Variants in DLG2 observed in about 807,000 individuals in gnomAD.
The protein encoded by DLG2 is disks large homolog 2.
Under a neutral mutation model 132.5 loss-of-function variants are expected in DLG2, and 45 were observed. The ratio of observed to expected loss-of-function variants is 0.34; its 90% CI spans 0.27 to 0.44. The LOEUF (loss-of-function observed/expected upper bound fraction) is 0.44. Ranked by LOEUF, DLG2 falls within the 20% of genes least tolerant of loss-of-function variation. The pLI, the probability that DLG2 is intolerant of heterozygous loss-of-function variation, is 1.00. For missense variants in DLG2, 1,045 were observed against 1,196.9 expected, an observed-to-expected ratio of 0.87 and a Z score of 1.87; for synonymous variants, 424 against 419.6, an observed-to-expected ratio of 1.01 and a Z score of -0.13.
At chr11:85,156,708 C>T (rs1156595754) in intron 4 of DLG2, among the ~76,000 whole-genome samples, 1 of 152,156 alleles carries the variant, frequency 6.6e-6, no homozygotes, top group East Asian at 1.9e-4. Context: ...CTAATTGGAT[C>T]CATCATCATA....
At chr11:85,455,691 A>G (rs931883785) in intron 3 of DLG2, among the ~76,000 whole-genome samples, 1 of 152,138 alleles carries the variant, frequency 6.6e-6, no homozygotes, top group Non-Finnish European at 1.5e-5. Flanking sequence ...ATTTTGAAGT[A>G]TGCTCCTTCA....
chr11:84,534,560 T>C lies in DLG2; in HGVS notation c.519+10A>G. ...ACCAACTATAAAGTCGGAAGAGCAA[T>C]ATAACTGACCTTCAGAGGAGAAATA... On this transcript the variant is annotated intron_variant, in intron 7 of 27. Coordinates refer to ENST00000376104, the MANE Select transcript of DLG2 (RefSeq NM_001142699.3). The C allele has an allele frequency of 6.2e-7, 1 of 1,613,206 alleles. No individual in the cohort carries two copies. Among genetic ancestry groups the C allele is most frequent in the Non-Finnish European group, 8.5e-7 (1 of 1,179,276 alleles).
At chr11:83,482,806 A>G (rs969599447) in intron 22 of DLG2, among the ~76,000 whole-genome samples, 1 of 152,180 alleles carries the variant, frequency 6.6e-6, no homozygotes, top group Non-Finnish European at 1.5e-5. Context: ...GTGCAACCCA[A>G]TTATGAGATT....
At chr11:84,756,725 T>C (rs950112581) in intron 6 of DLG2, among the ~76,000 whole-genome samples, 1 of 152,238 alleles carries the variant, frequency 6.6e-6, no homozygotes, top group African/African-American at 2.4e-5. Flanking sequence ...ATAAACTTTC[T>C]TAAAATATAA....
At chr11:84,714,644 TCTTTCTC>T (rs2060977116) in intron 6 of DLG2, among the ~76,000 whole-genome samples, 81 of 136,632 alleles carry the variant, frequency 5.9e-4, no homozygotes, top group African/African-American at 1.5e-3. Flanking sequence ...TCTCTCTCTC[TCTTTCTC>T]TCTCTCTCTC....
intron 6 of DLG2, among the ~76,000 whole-genome samples, chr11:84,562,592 T>G (rs751218636): frequency 6.6e-6 from 1 of 152,182 alleles, no homozygotes; most frequent in Non-Finnish European, 1.5e-5. Context: ...TAAAACTAAA[T>G]TTTTAACAGC....
intron 10 of DLG2, among the ~76,000 whole-genome samples, chr11:84,083,828 TTA>T (rs1169671006): frequency 1.3e-5 from 2 of 152,152 alleles, no homozygotes; most frequent in Non-Finnish European, 2.9e-5. Flanking sequence ...GAATATCTAT[TTA>T]TTTTATTTAT....
intron 6 of DLG2, among the ~76,000 whole-genome samples, chr11:84,995,467 A>C (rs374144363): frequency 8.5e-5 from 13 of 152,192 alleles, no homozygotes; most frequent in Admixed American, 2.0e-4. Flanking sequence ...TCAGTTATGT[A>C]CATATTTGTC....
intron 7 of DLG2, among the ~76,000 whole-genome samples, chr11:84,361,122 G>A (rs2098647539): frequency 1.3e-5 from 2 of 151,846 alleles, no homozygotes; most frequent in African/African-American, 4.8e-5. Flanking sequence ...CCAGTGATAT[G>A]CTGAATGATA....
At chr11:83,932,237 A>ATT (rs199866110) in intron 14 of DLG2, among the ~76,000 whole-genome samples, 2 of 142,594 alleles carry the variant, frequency 1.4e-5, no homozygotes, top group African/African-American at 2.6e-5. Flanking sequence ...ACATTTGAAG[A>ATT]TTTTTTTTTT....
At chr11:85,258,956 A>C (rs1163770778) in intron 4 of DLG2, among the ~76,000 whole-genome samples, 1 of 152,194 alleles carries the variant, frequency 6.6e-6, no homozygotes, top group Admixed American at 6.5e-5. Flanking sequence ...TATAATCCTT[A>C]TTTCACAGAT....
At chr11:84,814,190 T>C (rs998253676) in intron 6 of DLG2, among the ~76,000 whole-genome samples, 11 of 152,082 alleles carry the variant, frequency 7.2e-5, no homozygotes, top group Non-Finnish European at 1.3e-4. Flanking sequence ...GCTGTGATCA[T>C]TCATGTGAAT....
At chr11:84,886,349 T>C (rs1484182765) in intron 6 of DLG2, among the ~76,000 whole-genome samples, 2 of 152,278 alleles carry the variant, frequency 1.3e-5, no homozygotes, top group East Asian at 3.9e-4. Flanking sequence ...AACAACAAGA[T>C]CATTTTCTTT....
intron 7 of DLG2, among the ~76,000 whole-genome samples, chr11:84,367,721 T>C (rs2098689885): frequency 6.6e-6 from 1 of 152,102 alleles, no homozygotes; most frequent in Non-Finnish European, 1.5e-5. Flanking sequence ...CCTTCCTCTA[T>C]GCTATGACAC....
intron 8 of DLG2, among the ~76,000 whole-genome samples, chr11:84,247,361 T>G (rs114279599): frequency 1.1e-4 from 17 of 152,198 alleles, no homozygotes; most frequent in African/African-American, 3.9e-4. Flanking sequence ...CACTCTGAGC[T>G]CCCTAAGAAC....
At chr11:85,063,155 G>A (rs1439304790) in intron 6 of DLG2, among the ~76,000 whole-genome samples, 1 of 151,792 alleles carries the variant, frequency 6.6e-6, no homozygotes, top group Non-Finnish European at 1.5e-5. Context: ...TAGCCGCTAA[G>A]GCTTACCATC....
intron 6 of DLG2, among the ~76,000 whole-genome samples, chr11:84,600,555 A>T (rs2099574623): frequency 6.6e-6 from 1 of 152,190 alleles, no homozygotes; most frequent in Non-Finnish European, 1.5e-5. Context: ...GGTTATGAGG[A>T]TATGACTAGA....
At chr11:85,507,543 C>T (rs2093963233) in intron 3 of DLG2, among the ~76,000 whole-genome samples, 1 of 152,190 alleles carries the variant, frequency 6.6e-6, no homozygotes, top group Non-Finnish European at 1.5e-5. Flanking sequence ...TTGGACCACA[C>T]TTTCTTATGG....
At chr11:84,877,254 C>G (rs1166570278) in intron 6 of DLG2, among the ~76,000 whole-genome samples, 1 of 152,040 alleles carries the variant, frequency 6.6e-6, no homozygotes, top group East Asian at 1.9e-4. Flanking sequence ...AATTTTCTGT[C>G]TCATTGATCT....
Sources: gnomAD v4.1 joint callset for allele counts (sites outside exome capture counted in the v4.1 genomes callset) on GRCh38, gnomAD v4.1.1 for gene constraint, MANE v1.5 for transcripts, NCBI Gene and HGNC (gene_info 2026-07-23, HGNC 2026-07-21) for gene names.